Variants in SLC24A4 observed in about 807,000 individuals in gnomAD.
SLC24A4 encodes the protein sodium/potassium/calcium exchanger 4.
In SLC24A4, 53 loss-of-function variants were observed where a neutral mutation model predicts 79.0. The observed-to-expected ratio is 0.67, with a 90% confidence interval of 0.54 to 0.84. SLC24A4 has a LOEUF of 0.84. SLC24A4 is among the 40% of genes least tolerant of loss of function. SLC24A4 has a pLI of 0.00. For synonymous variants in SLC24A4, 323 were observed against 323.8 expected (o/e 1.00, Z 0.03); for missense variants, 731 against 822.0 (o/e 0.89, Z 1.35).
chr14:92,325,727 A>G lies in SLC24A4; in HGVS notation c.131-141A>G, dbSNP rs561170101. On this transcript the variant is annotated intron_variant, in intron 1 of 16. Transcript: ENST00000532405. The stretch of plus-strand genomic sequence containing the variant: ...TGTAAGCAGGTGATATTATACTTCC[A>G]ATCATCCTATCAGTCCCTAAAGATG... 61 of 596,360 alleles carry G rather than the reference A, an allele frequency of 1.0e-4. 2 individuals carry two copies. Among genetic ancestry groups the G allele is most frequent in the African/African-American group, 7.4e-4 (40 of 54,030 alleles). The allele number at this position is 596,360 out of a possible 1,614,324, so 36.9% of individuals were successfully genotyped here.
chr14:92,390,314 A>G (rs1453831938), intron 2 of SLC24A4, among the ~76,000 whole-genome samples: 2 of 151,852 alleles, frequency 1.3e-5, no homozygotes, highest in Non-Finnish European at 2.9e-5. Flanking sequence ...CCTTCCCCCA[A>G]GCAGAGGGCA....
intron 12 of SLC24A4, among the ~76,000 whole-genome samples, chr14:92,475,915 T>A (rs1770611818): frequency 6.6e-6 from 1 of 152,118 alleles, no homozygotes; most frequent in African/African-American, 2.4e-5. Context: ...CATCCAACAG[T>A]TGAAAAACAT....
At chr14:92,396,924 G>A (rs1251404397) in intron 2 of SLC24A4, among the ~76,000 whole-genome samples, 1 of 152,150 alleles carries the variant, frequency 6.6e-6, no homozygotes, top group East Asian at 1.9e-4. Flanking sequence ...CTTCTATACT[G>A]GACACAGTGC....
chr14:92,379,140 A>C (rs1206918442), intron 2 of SLC24A4, among the ~76,000 whole-genome samples: 1 of 152,218 alleles, frequency 6.6e-6, no homozygotes, highest in Non-Finnish European at 1.5e-5. Flanking sequence ...GTGTCTTGGA[A>C]GCCCAGTTCT....
At chr14:92,345,843 G>T (rs555147081) in intron 2 of SLC24A4, among the ~76,000 whole-genome samples, 1 of 152,372 alleles carries the variant, frequency 6.6e-6, no homozygotes, top group East Asian at 1.9e-4. Context: ...GAACAGAAGG[G>T]CCCTGCCCTG....
At chr14:92,484,398 G>T in intron 13 of SLC24A4, 1 of 985,288 alleles carries the variant, frequency 1.0e-6, no homozygotes, top group Non-Finnish European at 1.2e-6. Flanking sequence ...GGAAGGTGCT[G>T]CCCCCAGCCT....
intron 2 of SLC24A4, among the ~76,000 whole-genome samples, chr14:92,428,818 G>A (rs1432025222): frequency 6.6e-6 from 1 of 152,234 alleles, no homozygotes; most frequent in African/African-American, 2.4e-5. Context: ...GTTGAGTAAG[G>A]AGATGGGAGG....
At chr14:92,356,323 C>G (rs1221944879) in intron 2 of SLC24A4, among the ~76,000 whole-genome samples, 2 of 152,190 alleles carry the variant, frequency 1.3e-5, no homozygotes, top group African/African-American at 4.8e-5. Context: ...GCTTCCACAT[C>G]TCTAGTCCAG....
At chr14:92,406,027 T>C (rs61604814) in intron 2 of SLC24A4, among the ~76,000 whole-genome samples, 4 of 152,364 alleles carry the variant, frequency 2.6e-5, no homozygotes, top group African/African-American at 9.6e-5. Context: ...AAGTTAGTTA[T>C]TTCCAAGATA....
At position 92,325,886 on chromosome 14, in the gene SLC24A4, C is replaced by G. The variant is rs1368755722; in HGVS notation, c.149C>G (p.Ala50Gly). ...FGSLGHKTAS[A>G]SKRVLPDTWR... Reference sequence around the variant, plus strand: ...AATCCAGGGCACAAAACAGCTTCTGCTAGCAAACGTGTCCTGCCAGACACG... The same window carrying G: ...AATCCAGGGCACAAAACAGCTTCTGGTAGCAAACGTGTCCTGCCAGACACG... The change falls in exon 2 of 17, where the codon GCT (alanine) becomes GGT (glycine). Residue 50 changes from alanine (A) to glycine (G), a missense_variant. Coordinates refer to ENST00000532405, the MANE Select transcript of SLC24A4 (RefSeq NM_153646.4). 6.2e-7 allele frequency: 1 copy of G among 1,610,220 alleles called. No homozygotes were observed. The highest frequency in any genetic ancestry group is 8.5e-7 in the Non-Finnish European group (1 of 1,178,066).
At chr14:92,357,030 A>G (rs1887221456) in intron 2 of SLC24A4, among the ~76,000 whole-genome samples, 1 of 152,210 alleles carries the variant, frequency 6.6e-6, no homozygotes, top group Admixed American at 6.5e-5. Context: ...TGTTTGACTC[A>G]ATCACATTTC....
chr14:92,401,205 C>T (rs1195455877), intron 2 of SLC24A4, among the ~76,000 whole-genome samples: 5 of 152,116 alleles, frequency 3.3e-5, no homozygotes, highest in Admixed American at 2.0e-4. Context: ...CAAATCAAGT[C>T]GATAAGAATT....
At chr14:92,368,280 C>G (rs148427590) in intron 2 of SLC24A4, among the ~76,000 whole-genome samples, 1 of 152,266 alleles carries the variant, frequency 6.6e-6, no homozygotes, top group Admixed American at 6.5e-5. Flanking sequence ...AAAATCATCA[C>G]AGCTACGTTC....
chr14:92,444,965 A>G (rs1892712880), intron 7 of SLC24A4, among the ~76,000 whole-genome samples: 1 of 149,164 alleles, frequency 6.7e-6, no homozygotes, highest in Non-Finnish European at 1.5e-5. Context: ...ACACACACAC[A>G]CACACACTTA....
chr14:92,468,186 ATACT>A (rs1270269920), intron 12 of SLC24A4, among the ~76,000 whole-genome samples: 11 of 152,358 alleles, frequency 7.2e-5, no homozygotes, highest in African/African-American at 2.6e-4. Context: ...AAAGAATAAA[ATACT>A]TAGGAGTAAA....
chr14:92,448,922 C>G (rs1892969397), intron 9 of SLC24A4, 152 bp from the exon 10 acceptor site: 1 of 837,720 alleles, frequency 1.2e-6, no homozygotes, highest in Admixed American at 2.7e-5. Context: ...AACTGTCAGC[C>G]CAGTTGAAAA....
At chr14:92,463,683 A>G (rs1326062445) in intron 12 of SLC24A4, among the ~76,000 whole-genome samples, 1 of 152,128 alleles carries the variant, frequency 6.6e-6, no homozygotes, top group Non-Finnish European at 1.5e-5. Context: ...CATAATATTC[A>G]TTCCTTTAAG....
At position 92,456,625 on chromosome 14, in the gene SLC24A4, C is replaced by G; in HGVS notation, c.1255+17C>G. On this transcript the variant is annotated intron_variant, in intron 12 of 16. Coordinates refer to ENST00000532405, the MANE Select transcript of SLC24A4 (RefSeq NM_153646.4). The stretch of plus-strand genomic sequence containing the variant: ...CCGTGCCGGGTGAGTTCTGGGGGTA[C>G]TGGACTCTCGGGCTACATTTTTGGG... 1 of 1,610,692 alleles carries G rather than the reference C, an allele frequency of 6.2e-7. No individual in the cohort carries two copies. Among genetic ancestry groups the G allele is most frequent in the Non-Finnish European group, 8.5e-7 (1 of 1,178,532 alleles).
chr14:92,443,631 G>A (rs1386303758), intron 7 of SLC24A4, among the ~76,000 whole-genome samples, 157 bp downstream of exon 7: 2 of 152,284 alleles, frequency 1.3e-5, no homozygotes, highest in African/African-American at 2.4e-5. Flanking sequence ...AGTGACCAGC[G>A]CCCCGACCCC....
Sources: allele counts gnomAD v4.1 joint callset (sites outside exome capture counted in the v4.1 genomes callset), GRCh38; gene constraint gnomAD v4.1.1; transcripts MANE v1.5; gene names NCBI Gene and HGNC (gene_info 2026-07-23, HGNC 2026-07-21).